The following LIN52 variants were observed in gnomAD, a reference collection of about 807,000 sequenced individuals.
The protein encoded by LIN52 is protein lin-52 homolog.
Under a neutral mutation model 18.5 loss-of-function variants are expected in LIN52, and 4 were observed. That is an observed-to-expected ratio of 0.22 (90% confidence interval 0.11 to 0.49). The LOEUF (loss-of-function observed/expected upper bound fraction) is 0.49. Ranked by LOEUF, LIN52 falls within the 20% of genes least tolerant of loss-of-function variation. The pLI, the probability that LIN52 is intolerant of heterozygous loss-of-function variation, is 0.97. For synonymous variants in LIN52, 34 were observed against 45.5 expected, an observed-to-expected ratio of 0.75 and a Z score of 1.02; for missense variants, 102 against 139.5, an observed-to-expected ratio of 0.73 and a Z score of 1.35.
At chr14:74,181,111 A>C (rs113239089) in intron 5 of LIN52, among the ~76,000 whole-genome samples, 1 of 27,662 alleles carries the variant, frequency 3.6e-5, no homozygotes, top group Non-Finnish European at 1.3e-4. Flanking sequence ...CTGTCTCAAA[A>C]AAAAAAAAAA....
At chr14:74,197,888 A>G (rs1337719117) in intron 5 of LIN52, among the ~76,000 whole-genome samples, 1 of 152,226 alleles carries the variant, frequency 6.6e-6, no homozygotes, top group African/African-American at 2.4e-5. Context: ...GGGAAAGGCA[A>G]CAAGGAGGCC....
chr14:74,101,951 T>G (rs2060859968), intron 5 of LIN52, among the ~76,000 whole-genome samples: 1 of 152,164 alleles, frequency 6.6e-6, no homozygotes, highest in East Asian at 1.9e-4. Context: ...TAAAAAATTT[T>G]TTTTGTAGAG....
chr14:74,108,363 G>A (rs1233558281), intron 5 of LIN52, among the ~76,000 whole-genome samples: 1 of 152,164 alleles, frequency 6.6e-6, no homozygotes, highest in Non-Finnish European at 1.5e-5. Flanking sequence ...AACTTTTTGG[G>A]TAAACATGTT....
intron 5 of LIN52, among the ~76,000 whole-genome samples, chr14:74,122,588 G>A (rs923732897): frequency 2.0e-5 from 3 of 152,110 alleles, no homozygotes; most frequent in East Asian, 3.8e-4. Context: ...TTACCTGTCC[G>A]GGTGCAGTGG....
chr14:74,198,407 A>G (rs1029894150), intron 5 of LIN52, among the ~76,000 whole-genome samples: 12 of 152,220 alleles, frequency 7.9e-5, no homozygotes, highest in African/African-American at 2.9e-4. Flanking sequence ...GACACCATCC[A>G]CAGATGAACT....
At chr14:74,087,275 G>T (rs946649181) in intron 1 of LIN52, among the ~76,000 whole-genome samples, 4 of 151,862 alleles carry the variant, frequency 2.6e-5, no homozygotes, top group Admixed American at 6.6e-5. Context: ...AATTAGCCAG[G>T]CGTGGTGGTG....
At chr14:74,184,835 C>CT (rs983977456) in intron 5 of LIN52, among the ~76,000 whole-genome samples, 21 of 152,054 alleles carry the variant, frequency 1.4e-4, no homozygotes, top group Non-Finnish European at 3.1e-4. Context: ...AATCATTATT[C>CT]TTTTTTTCTT....
chr14:74,102,971 A>G (rs1028298620), intron 5 of LIN52, among the ~76,000 whole-genome samples: 2 of 152,212 alleles, frequency 1.3e-5, no homozygotes, highest in African/African-American at 2.4e-5. Flanking sequence ...TACTTATAAC[A>G]ATTTCCTGTA....
chr14:74,180,880 G>A (rs917783363), intron 5 of LIN52, among the ~76,000 whole-genome samples: 22 of 152,066 alleles, frequency 1.4e-4, no homozygotes, highest in Admixed American at 2.6e-4. Flanking sequence ...AGGCTGAGGC[G>A]GGAGAATCAC....
intron 5 of LIN52, among the ~76,000 whole-genome samples, chr14:74,130,281 T>TTTTTTTTTGTTTG (rs1566856524): frequency 2.6e-5 from 2 of 77,376 alleles, no homozygotes; most frequent in East Asian, 4.3e-4. Context: ...TTTTTTGGTT[T>TTTTTTTTTGTTTG]TTTTTTTTTT....
rs577395775 is a variant in LIN52 at position 74,160,124 on chromosome 14, A to T, written c.284-38798A>T. On this transcript the variant is annotated intron_variant, in intron 5 of 5. Coordinates refer to ENST00000555028, the MANE Select transcript of LIN52 (RefSeq NM_001024674.3). ...GAGGTAATTAAGTTAAAATGAGGTC[A>T]TTGTGTGGGGCCTCATCCCAATATG... 1.3e-5 allele frequency among the ~76,000 whole-genome samples: 2 copies of T among 152,330 alleles called. 1 individual carries two copies. The highest frequency in any genetic ancestry group is 4.8e-5 in the African/African-American group (2 of 41,568).
chr14:74,122,289 T>G (rs1345270896), intron 5 of LIN52, among the ~76,000 whole-genome samples: 1 of 152,208 alleles, frequency 6.6e-6, no homozygotes, highest in Non-Finnish European at 1.5e-5. Context: ...ATATCCTTGT[T>G]CTTAGGAGAC....
chr14:74,136,584 G>T (rs1022906732), intron 5 of LIN52, among the ~76,000 whole-genome samples: 1 of 152,018 alleles, frequency 6.6e-6, no homozygotes, highest in African/African-American at 2.4e-5. Context: ...AAAAACAAGG[G>T]TTTAATTAGC....
At chr14:74,126,649 G>A (rs957238884) in intron 5 of LIN52, among the ~76,000 whole-genome samples, 2 of 152,214 alleles carry the variant, frequency 1.3e-5, no homozygotes, top group African/African-American at 2.4e-5. Context: ...CACATAATGT[G>A]TGATTTCATT....
rs1385577323 is a variant in LIN52, at chr14:74,199,967, A to G, written c.*990A>G. 2 of 152,180 alleles carry G rather than the reference A, an allele frequency of 1.3e-5. No homozygotes were observed. Among genetic ancestry groups the G allele is most frequent in the Non-Finnish European group, 2.9e-5 (2 of 68,038 alleles). 9.4% of individuals were successfully genotyped at this position (152,180 alleles called of 1,614,324 possible). A position where few individuals can be genotyped will look rare whatever the true frequency, so the allele number is the denominator to read the frequency against. On this transcript the variant is annotated 3_prime_UTR_variant, in exon 6 of 6. Transcript: ENST00000555028. ...ATCTTCTGACTTAAATACAACTTTC[A>G]TGGAGTTCTTCACCACTTATCTGTC...
At chr14:74,193,255 A>AAC (rs558871459) in intron 5 of LIN52, among the ~76,000 whole-genome samples, 1 of 151,712 alleles carries the variant, frequency 6.6e-6, no homozygotes, top group South Asian at 2.1e-4. Flanking sequence ...CACAAAAAAA[A>AAC]AAAAAAGAAA....
intron 5 of LIN52, among the ~76,000 whole-genome samples, chr14:74,175,746 ACACACC>A (rs1483139353): frequency 0.013 from 1,339 of 101,110 alleles, 18 homozygotes; most frequent in African/African-American, 0.041. Context: ...ACACACACAC[ACACACC>A]CCCATTATAC....
At position 74,095,943 on chromosome 14, in the gene LIN52, T is replaced by C; in HGVS notation, c.95-5T>C. ...GAATAAATAAAGTTTTGTTTTTCTT[T>C]TTAGTACCAGGTGTTGCTGAATTTG... is the stretch of plus-strand genomic sequence containing the variant. On this transcript the variant is annotated splice_polypyrimidine_tract_variant and splice_region_variant and intron_variant, in intron 2 of 5. Transcript: ENST00000555028. 10 of 1,603,390 alleles carry C rather than the reference T, an allele frequency of 6.2e-6. No homozygotes were observed. Among genetic ancestry groups the C allele is most frequent in the Non-Finnish European group, 8.5e-6 (10 of 1,172,584 alleles).
intron 5 of LIN52, among the ~76,000 whole-genome samples, chr14:74,110,930 C>T (rs2060922842): frequency 1.3e-5 from 2 of 151,164 alleles, no homozygotes. Flanking sequence ...CGCGCCACTG[C>T]ACTCCAGCCT....
Sources: allele counts gnomAD v4.1 joint callset (sites outside exome capture counted in the v4.1 genomes callset), GRCh38; gene constraint gnomAD v4.1.1; transcripts MANE v1.5; gene names NCBI Gene and HGNC (gene_info 2026-07-23, HGNC 2026-07-21).